The following POU2F1 variants were observed in gnomAD, a reference collection of about 807,000 sequenced individuals.
POU2F1 encodes POU class 2 homeobox 1.
In POU2F1, 16 loss-of-function variants were observed where a neutral mutation model predicts 84.9. The ratio of observed to expected loss-of-function variants is 0.19; its 90% CI spans 0.13 to 0.29. The LOEUF is 0.29. Ranked by LOEUF, POU2F1 falls within the 10% of genes least tolerant of loss-of-function variation. The pLI, the probability that POU2F1 is intolerant of heterozygous loss-of-function variation, is 1.00. For synonymous variants in POU2F1, 368 were observed against 368.3 expected (o/e 1.00, Z 0.01); for missense variants, 738 against 942.6 (o/e 0.78, Z 2.84).
intron 1 of POU2F1, among the ~76,000 whole-genome samples, chr1:167,242,826 G>A (rs1358140666): frequency 2.0e-5 from 3 of 152,092 alleles, no homozygotes; most frequent in Non-Finnish European, 4.4e-5. Flanking sequence ...GTCTCCTTTT[G>A]CGTAGGATAA....
At chr1:167,392,732 A>C (rs1218156060) in intron 9 of POU2F1, among the ~76,000 whole-genome samples, 2 of 152,138 alleles carry the variant, frequency 1.3e-5, no homozygotes, top group Non-Finnish European at 2.9e-5. Context: ...TTTCGAAATG[A>C]CTTTGAGACA....
chr1:167,244,387 C>G (rs1650154214), intron 1 of POU2F1, among the ~76,000 whole-genome samples: 1 of 152,154 alleles, frequency 6.6e-6, no homozygotes, highest in East Asian at 1.9e-4. Context: ...AACCGAGGAC[C>G]CTGGTTTCTT....
At chr1:167,396,254 T>C in intron 9 of POU2F1, 32 bp from the exon 10 acceptor site, 1 of 1,609,812 alleles carries the variant, frequency 6.2e-7, no homozygotes, top group Non-Finnish European at 8.5e-7. Context: ...CTGTCTTTCC[T>C]CTCCTCTTCT....
At chr1:167,404,036 T>G (rs1389628434) in intron 13 of POU2F1, among the ~76,000 whole-genome samples, 1 of 152,174 alleles carries the variant, frequency 6.6e-6, no homozygotes, top group Non-Finnish European at 1.5e-5. Flanking sequence ...TCTGTAAACC[T>G]TAAGGGTTTT....
At chr1:167,238,928 A>C (rs916187238) in intron 1 of POU2F1, among the ~76,000 whole-genome samples, 7 of 152,172 alleles carry the variant, frequency 4.6e-5, no homozygotes, top group African/African-American at 1.4e-4. Context: ...ACTTTGCCCT[A>C]AACAGTGCAG....
At chr1:167,397,307 A>G (rs866122036) in intron 10 of POU2F1, among the ~76,000 whole-genome samples, 6 of 152,198 alleles carry the variant, frequency 3.9e-5, no homozygotes, top group Admixed American at 6.5e-5. Flanking sequence ...GGCCATTTAC[A>G]AGATAAATAT....
At chr1:167,255,170 T>TATGAATTGAG (rs773762834) in intron 1 of POU2F1, among the ~76,000 whole-genome samples, 7 of 152,220 alleles carry the variant, frequency 4.6e-5, no homozygotes, top group Non-Finnish European at 1.0e-4. Flanking sequence ...ATTCAATAGG[T>TATGAATTGAG]ACTCAAAATA....
At chr1:167,237,750 A>G (rs868607216) in intron 1 of POU2F1, among the ~76,000 whole-genome samples, 101 of 46,272 alleles carry the variant, frequency 2.2e-3, no homozygotes, top group Middle Eastern at 0.016. Flanking sequence ...GTGTGTGTAT[A>G]TATATATATA....
chr1:167,258,048 T>C (rs1031530248), intron 1 of POU2F1: 2 of 152,282 alleles, frequency 1.3e-5, no homozygotes, highest in Admixed American at 6.5e-5. Context: ...TCTTGAGATT[T>C]AGGTAAAATA....
At chr1:167,248,580 A>G (rs1211999493) in intron 1 of POU2F1, among the ~76,000 whole-genome samples, 1 of 152,202 alleles carries the variant, frequency 6.6e-6, no homozygotes, top group South Asian at 2.1e-4. Context: ...CACTTAACCC[A>G]GTAGTTTGTG....
chr1:167,303,894 GTGA>G (rs1654880997), intron 1 of POU2F1, among the ~76,000 whole-genome samples: 1 of 152,080 alleles, frequency 6.6e-6, no homozygotes, highest in Admixed American at 6.6e-5. Flanking sequence ...TCTTTATTCT[GTGA>G]TGATATATCA....
At chr1:167,296,440 C>A (rs1450061063) in intron 1 of POU2F1, among the ~76,000 whole-genome samples, 1 of 152,042 alleles carries the variant, frequency 6.6e-6, no homozygotes, top group Non-Finnish European at 1.5e-5. Flanking sequence ...CATCTTAGCT[C>A]CTCATTGTCT....
At position 167,423,778 on chromosome 1, in the gene POU2F1, G is replaced by C. The variant is rs1650787866; in HGVS notation, c.*7968G>C. 1 of 152,224 alleles carries C rather than the reference G, an allele frequency of 6.6e-6. No individual in the cohort carries two copies. The highest frequency in any genetic ancestry group is 1.5e-5 in the Non-Finnish European group (1 of 68,046). 9.4% of individuals were successfully genotyped at this position (152,224 alleles called of 1,614,324 possible). On this transcript the variant is annotated 3_prime_UTR_variant, in exon 16 of 16. Coordinates refer to ENST00000367866, the MANE Select transcript of POU2F1 (RefSeq NM_002697.4). Reference sequence around the variant, plus strand: ...TGTGTACTTGTTCATCATTGTATAAGTTAGCCACAGCTTCACAAGAGCAGC... The same window carrying C: ...TGTGTACTTGTTCATCATTGTATAACTTAGCCACAGCTTCACAAGAGCAGC...
chr1:167,347,099 A>G (rs1460401465), intron 2 of POU2F1, among the ~76,000 whole-genome samples: 1 of 152,214 alleles, frequency 6.6e-6, no homozygotes, highest in African/African-American at 2.4e-5. Context: ...AGTGATGGGC[A>G]CAGATATTGT....
rs545442160 is a variant in POU2F1 at position 167,271,384 on chromosome 1, A to C, written c.61+50426A>C. 7.2e-5 allele frequency among the ~76,000 whole-genome samples: 11 copies of C among 152,340 alleles called. No individual in the cohort carries two copies. The South Asian group carries it at 1.0e-3, about 14-fold the overall frequency. On this transcript the variant is annotated intron_variant, in intron 1 of 15. Transcript: ENST00000367866. ...GACTAAAACTTGCCTTTTCAACAAG[A>C]CACCCGAACTGCCAAGACTTCACAG...
At chr1:167,270,542 A>G (rs758272737) in intron 1 of POU2F1, among the ~76,000 whole-genome samples, 17 of 152,152 alleles carry the variant, frequency 1.1e-4, no homozygotes, top group Non-Finnish European at 2.4e-4. Context: ...GAGAGAGAGA[A>G]GAGACAGAGA....
At chr1:167,236,535 T>A (rs1242032121) in intron 1 of POU2F1, among the ~76,000 whole-genome samples, 2 of 152,224 alleles carry the variant, frequency 1.3e-5, no homozygotes, top group Non-Finnish European at 2.9e-5. Flanking sequence ...ATACTTGTAG[T>A]TTTCCTGAAA....
chr1:167,372,921 GT>G (rs1557935932), intron 5 of POU2F1, among the ~76,000 whole-genome samples: 1 of 106,626 alleles, frequency 9.4e-6, no homozygotes. Context: ...ATTTCCTAGG[GT>G]TTTTTGTTTT....
intron 1 of POU2F1, among the ~76,000 whole-genome samples, chr1:167,245,034 C>T (rs1290504758): frequency 6.6e-6 from 1 of 152,014 alleles, no homozygotes; most frequent in African/African-American, 2.4e-5. Context: ...AATAAAAGGT[C>T]TGAGAGAGGA....
Sources: allele counts gnomAD v4.1 joint callset (sites outside exome capture counted in the v4.1 genomes callset), GRCh38; gene constraint gnomAD v4.1.1; transcripts MANE v1.5; gene names NCBI Gene and HGNC (gene_info 2026-07-23, HGNC 2026-07-21).